The following NCKAP5 variants were observed in gnomAD, a reference collection of about 807,000 sequenced individuals.
The protein encoded by NCKAP5 is NCK associated protein 5, also known as nck-associated protein 5.
A neutral mutation model predicts 167.0 loss-of-function variants in NCKAP5; 92 were observed. That is an observed-to-expected ratio of 0.55 (90% confidence interval 0.47 to 0.66). NCKAP5 has a LOEUF of 0.66. Among genes scored for constraint, NCKAP5 ranks in the 30% least tolerant of loss-of-function variants. The probability of loss-of-function intolerance (pLI) is 0.00; values close to 1 mark genes in which losing one functional copy is unlikely to be tolerated. For synonymous variants in NCKAP5, 891 were observed against 877.4 expected (o/e 1.02, Z -0.27); for missense variants, 2,378 against 2,315.0 (o/e 1.03, Z -0.56).
At chr2:132,847,131 T>G (rs1312996146) in intron 11 of NCKAP5, among the ~76,000 whole-genome samples, 1 of 152,130 alleles carries the variant, frequency 6.6e-6, no homozygotes, top group East Asian at 1.9e-4. Flanking sequence ...AAGGAAATTA[T>G]CAAAATACTT....
chr2:133,023,992 C>T (rs947425343), intron 6 of NCKAP5, among the ~76,000 whole-genome samples: 11 of 152,080 alleles, frequency 7.2e-5, no homozygotes, highest in Admixed American at 2.0e-4. Flanking sequence ...CAATATATAG[C>T]CTTTGCATTT....
Position 133,505,698 on chromosome 2 carries a change from C to T in NCKAP5, c.69+11760G>A, listed in dbSNP as rs1202641182. 3.9e-5 allele frequency among the ~76,000 whole-genome samples: 6 copies of T among 152,300 alleles called. 1 individual carries two copies. In the South Asian group the frequency reaches 1.2e-3, roughly 32 times the overall value. ...GGTTGGGATTCAAATCCAGTTCAGC[C>T]TCATTCTCCAGCCAACTCATGCTCT... On this transcript the variant is annotated intron_variant, in intron 3 of 19. Coordinates refer to ENST00000409261, the MANE Select transcript of NCKAP5 (RefSeq NM_207363.3).
chr2:133,043,991 C>T (rs1463158695), intron 6 of NCKAP5, among the ~76,000 whole-genome samples: 2 of 151,796 alleles, frequency 1.3e-5, no homozygotes, highest in African/African-American at 4.8e-5. Flanking sequence ...ATTAAGGATT[C>T]AGATGCTACA....
chr2:133,591,596 C>T, the NCKAP5 span, among the ~76,000 whole-genome samples: 22 of 152,200 alleles, frequency 1.4e-4, no homozygotes, highest in African/African-American at 5.1e-4. Flanking sequence ...CACCTGGCTT[C>T]ATCACACTCA....
intron 7 of NCKAP5, among the ~76,000 whole-genome samples, chr2:132,978,306 C>G (rs973668297): frequency 6.6e-6 from 1 of 152,170 alleles, no homozygotes; most frequent in African/African-American, 2.4e-5. Flanking sequence ...TTCTAGATTT[C>G]ACCAGTAGCC....
chr2:133,179,700 A>C (rs957487317), intron 5 of NCKAP5, among the ~76,000 whole-genome samples: 2 of 152,240 alleles, frequency 1.3e-5, no homozygotes, highest in Non-Finnish European at 2.9e-5. Flanking sequence ...TGAAAAATTC[A>C]GTAGCCAAAA....
rs1377130704 is a variant in NCKAP5, at chr2:132,743,257, G to A, written c.5129-11206C>T. Among the ~76,000 whole-genome samples, 4 of 151,790 alleles carry A rather than the reference G, an allele frequency of 2.6e-5. No homozygotes were observed. The East Asian group carries it at 7.7e-4, about 29-fold the overall frequency. On this transcript the variant is annotated intron_variant, in intron 16 of 19. Transcript: ENST00000409261. ...ACATAGCCTGGAGGTAAATATAGGT[G>A]TTAAAGGGGACAGATATGAGGATCA...
intron 6 of NCKAP5, among the ~76,000 whole-genome samples, chr2:133,097,213 G>A (rs1347985976): frequency 6.6e-6 from 1 of 152,198 alleles, no homozygotes; most frequent in South Asian, 2.1e-4. Flanking sequence ...CCGAGATGAT[G>A]GCTATGCACA....
Position 132,926,170 on chromosome 2 carries a change from C to A in NCKAP5, c.579+37550G>T, listed in dbSNP as rs1027141187. 1.6e-4 allele frequency: 60 copies of A among 377,928 alleles called. No individual in the cohort carries two copies. In the Admixed American group the frequency reaches 1.6e-3, roughly 10 times the overall value. The allele number at this position is 377,928 out of a possible 1,614,324, so 23.4% of individuals were successfully genotyped here. A position where few individuals can be genotyped will look rare whatever the true frequency, so the allele number is the denominator to read the frequency against. ...TTCTGTTTCTGTTTCTGAGTTATTT[C>A]TCTTAGGATAATGGCCTCCAGTTCC... On this transcript the variant is annotated intron_variant, in intron 8 of 19. Coordinates refer to ENST00000409261, the MANE Select transcript of NCKAP5 (RefSeq NM_207363.3).
At chr2:133,286,126 G>T (rs1679108737) in intron 4 of NCKAP5, among the ~76,000 whole-genome samples, 1 of 151,898 alleles carries the variant, frequency 6.6e-6, no homozygotes, top group Non-Finnish European at 1.5e-5. Context: ...CTCCTCAGCA[G>T]CTGGGATTAC....
At chr2:133,491,888 A>C (rs1681480939) in intron 3 of NCKAP5, among the ~76,000 whole-genome samples, 1 of 152,226 alleles carries the variant, frequency 6.6e-6, no homozygotes, top group Admixed American at 6.5e-5. Flanking sequence ...CTGTTGACAG[A>C]AGCTTGTGAA....
intron 11 of NCKAP5, among the ~76,000 whole-genome samples, chr2:132,811,789 G>A (rs1353038771): frequency 6.6e-6 from 1 of 152,176 alleles, no homozygotes; most frequent in African/African-American, 2.4e-5. Context: ...TGGCTAGGAA[G>A]CGTCTGGCCC....
intron 3 of NCKAP5, among the ~76,000 whole-genome samples, chr2:133,467,078 G>C (rs1407392074): frequency 1.3e-5 from 2 of 151,864 alleles, no homozygotes; most frequent in African/African-American, 2.4e-5. Flanking sequence ...GGGCATCCCT[G>C]TCTTGTGCCA....
At chr2:133,548,277 G>T (rs1225476770) in intron 2 of NCKAP5, among the ~76,000 whole-genome samples, 1 of 152,092 alleles carries the variant, frequency 6.6e-6, no homozygotes, top group African/African-American at 2.4e-5. Flanking sequence ...GTGATGGGGA[G>T]AATGGAACCA....
At chr2:133,072,107 T>C (rs982161094) in intron 6 of NCKAP5, among the ~76,000 whole-genome samples, 2 of 150,500 alleles carry the variant, frequency 1.3e-5, no homozygotes, top group African/African-American at 4.9e-5. Context: ...TTTTTGAGAC[T>C]GAGTTTCACT....
Position 132,994,139 on chromosome 2 carries a change from A to C in NCKAP5, c.429+13T>G. On this transcript the variant is annotated intron_variant, in intron 7 of 19. Coordinates refer to ENST00000409261, the MANE Select transcript of NCKAP5 (RefSeq NM_207363.3). ...AGACCAGTACCCAGCCAAGAATAAT[A>C]AACATGGTGTACCTGATAGACCATT... is the stretch of plus-strand genomic sequence containing the variant. 1 of 1,532,904 alleles carries C rather than the reference A, an allele frequency of 6.5e-7. No homozygotes were observed. 95.0% of individuals were successfully genotyped at this position (1,532,904 alleles called of 1,614,324 possible). A position where few individuals can be genotyped will look rare whatever the true frequency, so the allele number is the denominator to read the frequency against.
chr2:133,551,306 A>G (rs1309612817), intron 2 of NCKAP5, among the ~76,000 whole-genome samples: 1 of 150,280 alleles, frequency 6.7e-6, no homozygotes, highest in African/African-American at 2.5e-5. Flanking sequence ...AGCCAAAAGA[A>G]CAAAGCTGGA....
chr2:133,363,826 T>C (rs1685278392), intron 3 of NCKAP5, among the ~76,000 whole-genome samples: 1 of 152,224 alleles, frequency 6.6e-6, no homozygotes, highest in African/African-American at 2.4e-5. Flanking sequence ...TATCACTGGC[T>C]ATGTAACAGG....
At chr2:133,187,266 ATCT>A (rs1199363843) in intron 5 of NCKAP5, among the ~76,000 whole-genome samples, 1 of 152,004 alleles carries the variant, frequency 6.6e-6, no homozygotes, top group East Asian at 1.9e-4. Flanking sequence ...GTTTTGAGAG[ATCT>A]TCTTTGTACT....
Sources: allele counts gnomAD v4.1 joint callset (sites outside exome capture counted in the v4.1 genomes callset), GRCh38; gene constraint gnomAD v4.1.1; transcripts MANE v1.5; gene names NCBI Gene and HGNC (gene_info 2026-07-23, HGNC 2026-07-21).